Variants in TBXAS1 observed in about 807,000 individuals in gnomAD.
The protein encoded by TBXAS1 is thromboxane-A synthase.
TBXAS1 carries 48 observed loss-of-function variants against 60.7 expected under a neutral mutation model. That is an observed-to-expected ratio of 0.79 (90% CI 0.63 to 1.01). The LOEUF is 1.01. TBXAS1 is among the 50% of genes least tolerant of loss of function. TBXAS1 has a pLI of 0.00. For synonymous variants in TBXAS1, 287 were observed against 269.7 expected, an observed-to-expected ratio of 1.06 and a Z score of -0.63; for missense variants, 685 against 686.3, an observed-to-expected ratio of 1.00 and a Z score of 0.02.
intron 9 of TBXAS1, among the ~76,000 whole-genome samples, chr7:140,003,208 TC>T (rs1031155437): frequency 1.3e-5 from 2 of 151,746 alleles, no homozygotes; most frequent in African/African-American, 2.4e-5. Context: ...TACATACGTA[TC>T]TTTTTGTTTG....
In TBXAS1 at chr7:139,829,450, G is replaced by A; in HGVS notation, c.60G>A (p.Leu20=). 1.2e-6 allele frequency: 2 copies of A among 1,614,022 alleles called. No individual in the cohort carries two copies. The highest frequency in any genetic ancestry group is 1.7e-6 in the Non-Finnish European group (2 of 1,179,992). The change falls in exon 1 of 13, where the codon CTG becomes CTA. Residue 20 remains leucine (L), a synonymous_variant. Transcript: ENST00000448866. ...ATGGCCCCATGGTGACGGTGGCCCT[G>A]TCAGTGGCTCTCTTGGCCCTCCTGA... ...EVNGPMVTVA[L]SVALLALLKW...
At chr7:139,872,954 C>T (rs1005866291) in intron 2 of TBXAS1, among the ~76,000 whole-genome samples, 3 of 152,086 alleles carry the variant, frequency 2.0e-5, no homozygotes, top group East Asian at 1.9e-4. Flanking sequence ...GTTACTTGTG[C>T]CCTCAAGTGC....
intron 1 of TBXAS1, among the ~76,000 whole-genome samples, chr7:139,834,715 C>G (rs1798941171): frequency 6.6e-6 from 1 of 152,062 alleles, no homozygotes; most frequent in Non-Finnish European, 1.5e-5. Flanking sequence ...AACTAAAAAA[C>G]CTAGTTGAGA....
chr7:139,847,141 G>C (rs1020564452), intron 1 of TBXAS1, among the ~76,000 whole-genome samples: 7 of 152,106 alleles, frequency 4.6e-5, no homozygotes, highest in Admixed American at 6.5e-5. Context: ...TCTATTTCTT[G>C]AAAAGTGCAC....
intron 7 of TBXAS1, 171 bp from the exon 8 acceptor site, chr7:139,957,463 G>A: frequency 1.3e-6 from 1 of 774,920 alleles, no homozygotes. Flanking sequence ...GGAGTACCGA[G>A]AGGGAGTGAG....
At chr7:139,990,009 G>A (rs1302381787) in intron 9 of TBXAS1, among the ~76,000 whole-genome samples, 3 of 152,274 alleles carry the variant, frequency 2.0e-5, no homozygotes, top group South Asian at 2.1e-4. Context: ...AGGCCTGCCC[G>A]CCGGCCTTAA....
chr7:139,948,625 T>C (rs953267602), intron 5 of TBXAS1, among the ~76,000 whole-genome samples: 3 of 152,206 alleles, frequency 2.0e-5, no homozygotes, highest in African/African-American at 7.2e-5. Flanking sequence ...CATTATCCCA[T>C]GAAGAAGATG....
rs1467073546 is a variant in TBXAS1 at position 140,004,495 on chromosome 7, T to C, written c.1135-2596T>C. Reference sequence around the variant, plus strand: ...CCACTGAAATTACACAATTGGTGTTTGTGACTTGTTGGCCAGAAGAGACAA... The same window carrying C: ...CCACTGAAATTACACAATTGGTGTTCGTGACTTGTTGGCCAGAAGAGACAA... On this transcript the variant is annotated intron_variant, in intron 9 of 12. Coordinates refer to ENST00000448866, the MANE Select transcript of TBXAS1 (RefSeq NM_001061.7). This position sits in a 1 kb window ranked among gnomAD's most constrained non-coding sequence, Gnocchi z 5.1. 6.6e-6 allele frequency among the ~76,000 whole-genome samples: 1 copy of C among 152,232 alleles called. No individual in the cohort carries two copies. Among genetic ancestry groups the C allele is most frequent in the East Asian group, 1.9e-4 (1 of 5,198 alleles).
chr7:139,898,038 G>T (rs1804245879), intron 3 of TBXAS1, among the ~76,000 whole-genome samples: 1 of 152,210 alleles, frequency 6.6e-6, no homozygotes, highest in African/African-American at 2.4e-5. Context: ...TTTCTCCATG[G>T]CACCCTGTGG....
intron 1 of TBXAS1, among the ~76,000 whole-genome samples, chr7:139,835,657 C>A (rs1232571776): frequency 6.6e-6 from 1 of 152,028 alleles, no homozygotes; most frequent in African/African-American, 2.4e-5. Context: ...TATCACAAAC[C>A]CACAGCCAAC....
intron 9 of TBXAS1, among the ~76,000 whole-genome samples, chr7:140,003,075 G>GAC (rs1340328827): frequency 2.8e-5 from 4 of 143,078 alleles, no homozygotes; most frequent in Non-Finnish European, 6.0e-5. Flanking sequence ...AGTGAGCCGA[G>GAC]ACCGGGCCAT....
chr7:139,944,721 C>T (rs1808562382), intron 5 of TBXAS1, among the ~76,000 whole-genome samples: 1 of 152,082 alleles, frequency 6.6e-6, no homozygotes, highest in South Asian at 2.1e-4. Context: ...AGTCCCTCTT[C>T]GTGTGTGGAT....
chr7:139,986,514 C>G (rs1217619215), intron 9 of TBXAS1, among the ~76,000 whole-genome samples: 3 of 151,166 alleles, frequency 2.0e-5, no homozygotes. Flanking sequence ...TCCCTCACCC[C>G]CTTCCCACCT....
chr7:140,006,497 A>T (rs887796050), intron 9 of TBXAS1, among the ~76,000 whole-genome samples: 2 of 152,140 alleles, frequency 1.3e-5, no homozygotes, highest in South Asian at 2.1e-4. Context: ...ATAGTAACTC[A>T]TATGGCCTCT....
chr7:139,915,462 A>G (rs1483977645), intron 4 of TBXAS1, among the ~76,000 whole-genome samples: 1 of 152,224 alleles, frequency 6.6e-6, no homozygotes, highest in African/African-American at 2.4e-5. Flanking sequence ...TACAGAAAAT[A>G]CCTCGGCATA....
chr7:139,981,257 A>G (rs555496044), intron 9 of TBXAS1, among the ~76,000 whole-genome samples: 5 of 152,114 alleles, frequency 3.3e-5, no homozygotes, highest in Admixed American at 6.5e-5. Flanking sequence ...ACAGGCTTGT[A>G]CCACCCATGC....
Position 139,999,282 on chromosome 7 carries a change from T to C in TBXAS1, c.1135-7809T>C, listed in dbSNP as rs1427660571. Among the ~76,000 whole-genome samples, 4 of 152,214 alleles carry C rather than the reference T, an allele frequency of 2.6e-5. No homozygotes were observed. The highest frequency in any genetic ancestry group is 2.6e-4 in the Admixed American group (4 of 15,282). On this transcript the variant is annotated intron_variant, in intron 9 of 12. Coordinates refer to ENST00000448866, the MANE Select transcript of TBXAS1 (RefSeq NM_001061.7). The surrounding 1 kb of genome is among the most constrained non-coding windows in gnomAD (Gnocchi z 4.3). ...GCTTACGCCTATAATCCCAGCACTTTGGGAGGCCGAGGTGGGTGAATCACC... is the reference window on the plus strand; with the variant it reads ...GCTTACGCCTATAATCCCAGCACTTCGGGAGGCCGAGGTGGGTGAATCACC...
intron 4 of TBXAS1, among the ~76,000 whole-genome samples, chr7:139,919,014 G>A (rs1056696112): frequency 8.6e-5 from 13 of 151,824 alleles, no homozygotes; most frequent in African/African-American, 2.9e-4. Context: ...TAGTAAAAGG[G>A]ACACCTTTAC....
At chr7:139,950,356 G>C (rs999241941) in intron 5 of TBXAS1, among the ~76,000 whole-genome samples, 1 of 152,062 alleles carries the variant, frequency 6.6e-6, no homozygotes, top group Non-Finnish European at 1.5e-5. Context: ...ATTTTAATGA[G>C]TGAGTACATC....
Sources: gnomAD v4.1 joint callset for allele counts (sites outside exome capture counted in the v4.1 genomes callset) on GRCh38, gnomAD v4.1.1 for gene constraint, Gnocchi (gnomAD v3.1) non-coding constraint, MANE v1.5 for transcripts, NCBI Gene and HGNC (gene_info 2026-07-23, HGNC 2026-07-21) for gene names.